ATP6V1H: variants seen among roughly 807,000 people sequenced by gnomAD.
ATP6V1H encodes the protein V-type proton ATPase subunit H.
Under a neutral mutation model 71.7 loss-of-function variants are expected in ATP6V1H, and 39 were observed. The ratio of observed to expected loss-of-function variants is 0.54; its 90% CI spans 0.42 to 0.71. ATP6V1H has a LOEUF of 0.71. ATP6V1H is among the 30% of genes least tolerant of loss of function. The pLI is 0.00. For missense variants in ATP6V1H, 509 were observed against 594.9 expected, an observed-to-expected ratio of 0.86 and a Z score of 1.50; for synonymous variants, 192 against 199.3, an observed-to-expected ratio of 0.96 and a Z score of 0.31.
chr8:53,808,109 G>A lies in ATP6V1H; in HGVS notation c.579+3055C>T, dbSNP rs551249116. 9.2e-5 allele frequency among the ~76,000 whole-genome samples: 14 copies of A among 152,318 alleles called. No homozygotes were observed. In the South Asian group the frequency reaches 2.7e-3, roughly 29 times the overall value. On this transcript the variant is annotated intron_variant, in intron 7 of 13. Coordinates refer to ENST00000359530, the MANE Select transcript of ATP6V1H (RefSeq NM_015941.4). ...GACTGCTTCTGCAACACAAATCACA[G>A]AGAACAGGACACGGAAACATGTGGG...
At chr8:53,784,983 T>C (rs1394991287) in intron 9 of ATP6V1H, among the ~76,000 whole-genome samples, 1 of 152,166 alleles carries the variant, frequency 6.6e-6, no homozygotes, top group Non-Finnish European at 1.5e-5. Context: ...TTTTCCTTCA[T>C]TTCAACTTTG....
chr8:53,832,052 C>T (rs1811024475), intron 3 of ATP6V1H: 2 of 152,028 alleles, frequency 1.3e-5, no homozygotes, highest in Non-Finnish European at 2.9e-5. Context: ...CGGAACTTTC[C>T]ATAAATGGGA....
At chr8:53,779,913 C>T (rs529286929) in intron 9 of ATP6V1H, among the ~76,000 whole-genome samples, 11 of 152,204 alleles carry the variant, frequency 7.2e-5, no homozygotes, top group African/African-American at 2.4e-4. Flanking sequence ...AATTCCAGCA[C>T]TTTGGGAGGC....
At chr8:53,757,214 C>T (rs189893250) in intron 11 of ATP6V1H, among the ~76,000 whole-genome samples, 26 of 152,302 alleles carry the variant, frequency 1.7e-4, no homozygotes, top group Middle Eastern at 6.8e-3. Context: ...GTACTTTCTC[C>T]AATACAACCA....
rs191886357 is a variant in ATP6V1H at position 53,770,787 on chromosome 8, G to A, written c.1050-1044C>T. Among the ~76,000 whole-genome samples, 335 of 151,844 alleles carry A rather than the reference G, an allele frequency of 2.2e-3. 2 individuals are homozygous for A. Among genetic ancestry groups the A allele is most frequent in the African/African-American group, 7.8e-3 (325 of 41,482 alleles). Reference sequence around the variant, plus strand: ...AAAGCTATCACTAATCTTATTTTTTGCAAAAACAGGCCTTAAATGATTATT... The same window carrying A: ...AAAGCTATCACTAATCTTATTTTTTACAAAAACAGGCCTTAAATGATTATT... On this transcript the variant is annotated intron_variant, in intron 10 of 13. Transcript: ENST00000359530.
intron 8 of ATP6V1H, among the ~76,000 whole-genome samples, chr8:53,796,550 A>G (rs1167890108): frequency 3.9e-5 from 6 of 152,140 alleles, no homozygotes; most frequent in Non-Finnish European, 7.3e-5. Flanking sequence ...AAGACCATTA[A>G]AAGTGACCTT....
intron 11 of ATP6V1H, among the ~76,000 whole-genome samples, chr8:53,763,152 G>A (rs1808335072): frequency 6.6e-6 from 1 of 152,150 alleles, no homozygotes; most frequent in African/African-American, 2.4e-5. Flanking sequence ...GTTATACACG[G>A]CTTTTTGACT....
At chr8:53,732,042 G>A (rs1162293939) in intron 13 of ATP6V1H, among the ~76,000 whole-genome samples, 3 of 152,236 alleles carry the variant, frequency 2.0e-5, no homozygotes, top group Non-Finnish European at 4.4e-5. Context: ...CACTCCATCT[G>A]AGTGGAAGCG....
In ATP6V1H at chr8:53,833,045, C is replaced by A. The variant is rs1473266473; in HGVS notation, c.155G>T (p.Arg52Met). The change falls in exon 3 of 14, where the codon AGG becomes ATG. Residue 52 changes from arginine to methionine, a missense_variant. Coordinates refer to ENST00000359530, the MANE Select transcript of ATP6V1H (RefSeq NM_015941.4). ...ISAEDCEFIQ[R>M]FEMKRSPEEK... ...TTCAGGGCTTCGTTTCATTTCAAACCTCTGAATAAACTCACAATCTTCAGC... is the reference window on the plus strand; with the variant it reads ...TTCAGGGCTTCGTTTCATTTCAAACATCTGAATAAACTCACAATCTTCAGC... 1 of 1,613,754 alleles carries A rather than the reference C, an allele frequency of 6.2e-7. No homozygotes were observed. The highest frequency in any genetic ancestry group is 8.5e-7 in the Non-Finnish European group (1 of 1,179,810).
At chr8:53,842,882 C>G (rs1339996785) in intron 1 of ATP6V1H, 152 bp downstream of exon 1, 1 of 152,416 alleles carries the variant, frequency 6.6e-6, no homozygotes, top group Non-Finnish European at 1.5e-5. Context: ...TGGTTGAGGC[C>G]TGGAAGAAAA....
At chr8:53,815,926 A>G (rs1043249577) in intron 5 of ATP6V1H, among the ~76,000 whole-genome samples, 1 of 152,224 alleles carries the variant, frequency 6.6e-6, no homozygotes. Context: ...AGAAGTTAAC[A>G]TGGATTTGGC....
chr8:53,782,035 G>A (rs1809157423), intron 9 of ATP6V1H, among the ~76,000 whole-genome samples: 4 of 152,156 alleles, frequency 2.6e-5, no homozygotes, highest in Non-Finnish European at 4.4e-5. Flanking sequence ...ATCTTTTTTG[G>A]TTCCATATGA....
chr8:53,799,617 G>T (rs954229873), intron 8 of ATP6V1H, among the ~76,000 whole-genome samples: 11 of 152,110 alleles, frequency 7.2e-5, no homozygotes, highest in African/African-American at 2.7e-4. Flanking sequence ...CAAACATGTG[G>T]CTTATGCTGA....
chr8:53,817,398 C>T lies in ATP6V1H; in HGVS notation c.420+19G>A. 6.5e-7 allele frequency: 1 copy of T among 1,534,322 alleles called. No homozygotes were observed. ...TTAAAAAAATTTTAAAAAAAGAATC[C>T]AATCAATTCAAAATTTACCATATGA... On this transcript the variant is annotated intron_variant, in intron 5 of 13. Transcript: ENST00000359530.
chr8:53,777,280 T>C (rs1189301664), intron 9 of ATP6V1H, among the ~76,000 whole-genome samples: 1 of 152,024 alleles, frequency 6.6e-6, no homozygotes, highest in African/African-American at 2.4e-5. Flanking sequence ...TCAAAGTCAA[T>C]CTTCAGAAAA....
At chr8:53,772,192 G>C in intron 9 of ATP6V1H, 25 bp from the exon 10 acceptor site, 1 of 1,562,024 alleles carries the variant, frequency 6.4e-7, no homozygotes, top group East Asian at 2.3e-5. Context: ...GTGATAGTGA[G>C]AAACTATACA....
chr8:53,726,713 A>G (rs1806825021), intron 13 of ATP6V1H, among the ~76,000 whole-genome samples: 1 of 152,208 alleles, frequency 6.6e-6, no homozygotes, highest in Non-Finnish European at 1.5e-5. Flanking sequence ...GATTCAAAAG[A>G]TAACATCCCT....
chr8:53,836,424 TTTAAG>T (rs1322099050), intron 2 of ATP6V1H, among the ~76,000 whole-genome samples: 1 of 152,212 alleles, frequency 6.6e-6, no homozygotes, highest in Admixed American at 6.5e-5. Context: ...TCTTTCCTTG[TTTAAG>T]TTATTTTCTC....
intron 4 of ATP6V1H, among the ~76,000 whole-genome samples, chr8:53,827,147 C>T (rs1174444195): frequency 1.3e-5 from 2 of 151,824 alleles, no homozygotes; most frequent in African/African-American, 4.8e-5. Flanking sequence ...TTTGGGAGGC[C>T]GAGGTGGGCA....
Sources: gnomAD v4.1 joint callset for allele counts (sites outside exome capture counted in the v4.1 genomes callset) on GRCh38, gnomAD v4.1.1 for gene constraint, MANE v1.5 for transcripts, NCBI Gene and HGNC (gene_info 2026-07-23, HGNC 2026-07-21) for gene names.